TRAPPC9: variants seen among roughly 807,000 people sequenced by gnomAD.
The protein encoded by TRAPPC9 is IKK2 binding protein.
In TRAPPC9, 83 loss-of-function variants were observed where a neutral mutation model predicts 124.0. The ratio of observed to expected loss-of-function variants is 0.67; its 90% CI spans 0.56 to 0.80. TRAPPC9 has a LOEUF of 0.80. Among genes scored for constraint, TRAPPC9 ranks in the 30% least tolerant of loss-of-function variants. The probability of loss-of-function intolerance (pLI) is 0.00; values close to 1 mark genes in which losing one functional copy is unlikely to be tolerated. For missense variants in TRAPPC9, 1,302 were observed against 1,508.3 expected (o/e 0.86, Z 2.27); for synonymous variants, 638 against 617.5 (o/e 1.03, Z -0.49).
intron 7 of TRAPPC9, among the ~76,000 whole-genome samples, chr8:140,392,290 C>T (rs1367075872): frequency 2.6e-5 from 4 of 152,204 alleles, no homozygotes; most frequent in Admixed American, 6.5e-5. Flanking sequence ...ATGCATGCAA[C>T]AAGCTGGCTG....
At chr8:140,000,282 G>C (rs1838301555) in intron 18 of TRAPPC9, among the ~76,000 whole-genome samples, 1 of 152,068 alleles carries the variant, frequency 6.6e-6, no homozygotes, top group South Asian at 2.1e-4. Context: ...AAAAACCCTA[G>C]AAGAAAACCT....
intron 1 of TRAPPC9, among the ~76,000 whole-genome samples, chr8:140,452,398 C>T (rs569693656): frequency 3.5e-4 from 44 of 125,678 alleles, no homozygotes; most frequent in African/African-American, 1.1e-3. Flanking sequence ...CCAGCCTGGG[C>T]GACAGAGCCA....
At chr8:139,979,210 C>G (rs4736124) in intron 19 of TRAPPC9, among the ~76,000 whole-genome samples, 64,802 of 152,022 alleles carry the variant, frequency 0.43, 13,926 homozygotes, top group East Asian at 0.45. Flanking sequence ...TCTGAAAAAT[C>G]TCCTGCTGGG....
upstream of TRAPPC9, chr8:140,458,473 C>T (rs797046049): frequency 5.1e-6 from 8 of 1,572,146 alleles, no homozygotes; most frequent in Non-Finnish European, 6.9e-6. Context: ...CCTCCAGGAT[C>T]GCAGGGCCCG....
intron 16 of TRAPPC9, among the ~76,000 whole-genome samples, chr8:140,221,801 C>T (rs2063343743): frequency 6.6e-6 from 1 of 152,144 alleles, no homozygotes. Flanking sequence ...CCACACCTGG[C>T]TAATTTTTGT....
At chr8:140,158,087 A>G (rs2061686123) in intron 17 of TRAPPC9, among the ~76,000 whole-genome samples, 1 of 152,202 alleles carries the variant, frequency 6.6e-6, no homozygotes, top group African/African-American at 2.4e-5. Context: ...ATAACCTAAT[A>G]TATACATCTT....
At chr8:140,156,884 C>T (rs978309123) in intron 17 of TRAPPC9, among the ~76,000 whole-genome samples, 7 of 152,152 alleles carry the variant, frequency 4.6e-5, no homozygotes, top group African/African-American at 1.2e-4. Flanking sequence ...AAAGCAGAGG[C>T]CCAAATAAAA....
chr8:140,307,297 A>T (rs900705725), intron 10 of TRAPPC9, among the ~76,000 whole-genome samples: 1 of 152,114 alleles, frequency 6.6e-6, no homozygotes, highest in African/African-American at 2.4e-5. Context: ...AAAGAAACCA[A>T]GTTTTGATGA....
chr8:139,752,466 T>G (rs1819387207), intron 21 of TRAPPC9, among the ~76,000 whole-genome samples: 1 of 148,952 alleles, frequency 6.7e-6, no homozygotes. Context: ...CCATCTACCA[T>G]CCATCTATCC....
chr8:140,272,108 GTGGTGGCAATGGTGA>G (rs1230119597), intron 15 of TRAPPC9, among the ~76,000 whole-genome samples: 1 of 122,816 alleles, frequency 8.1e-6, no homozygotes, highest in Non-Finnish European at 1.8e-5. Context: ...GGTGATTGTG[GTGGTGGCAATGGTGA>G]TGGTGGCGAT....
At chr8:139,911,709 G>GA (rs60646030) in intron 19 of TRAPPC9, among the ~76,000 whole-genome samples, 42 of 140,962 alleles carry the variant, frequency 3.0e-4, no homozygotes, top group East Asian at 1.2e-3. Context: ...TGTCTTAAAA[G>GA]AAAAAAAAAA....
intron 21 of TRAPPC9, among the ~76,000 whole-genome samples, chr8:139,774,186 C>T (rs999802595): frequency 2.1e-4 from 32 of 152,200 alleles, no homozygotes; most frequent in African/African-American, 7.0e-4. Flanking sequence ...AGACAGAAGT[C>T]GGCATGGGCT....
chr8:140,199,473 G>A (rs2062739644), intron 17 of TRAPPC9, among the ~76,000 whole-genome samples: 1 of 151,930 alleles, frequency 6.6e-6, no homozygotes, highest in African/African-American at 2.4e-5. Context: ...ACAGTTCGTA[G>A]GTGATCAAGC....
chr8:140,029,933 T>C (rs566383668), intron 17 of TRAPPC9, among the ~76,000 whole-genome samples: 10 of 152,182 alleles, frequency 6.6e-5, no homozygotes, highest in African/African-American at 9.6e-5. Context: ...AAATATAAAA[T>C]GGGTAATACA....
rs148342454 is a variant in TRAPPC9 at position 140,081,420 on chromosome 8, A to G, written c.2557-57341T>C. On this transcript the variant is annotated intron_variant, in intron 17 of 22. Transcript: ENST00000438773. ...GAGTGCAGTGGCACAGTCTCAGCTCACTACGACCTCCGCCTCCCAGGTTCA... is the reference window on the plus strand; with the variant it reads ...GAGTGCAGTGGCACAGTCTCAGCTCGCTACGACCTCCGCCTCCCAGGTTCA... Among the ~76,000 whole-genome samples, 706 of 146,098 alleles carry G rather than the reference A, an allele frequency of 4.8e-3. 9 individuals are homozygous for G. The highest frequency in any genetic ancestry group is 0.017 in the African/African-American group (674 of 39,812).
At chr8:139,739,986 T>A (rs2130054851) in intron 21 of TRAPPC9, among the ~76,000 whole-genome samples, 1 of 152,342 alleles carries the variant, frequency 6.6e-6, no homozygotes, top group Non-Finnish European at 1.5e-5. Context: ...ACCGACTGGC[T>A]GTGCCCTGCC....
At chr8:140,277,625 C>T (rs1187803729) in intron 14 of TRAPPC9, among the ~76,000 whole-genome samples, 1 of 152,228 alleles carries the variant, frequency 6.6e-6, no homozygotes, top group Non-Finnish European at 1.5e-5. Context: ...CTGCAGCATC[C>T]CAGTTGTCAT....
intron 5 of TRAPPC9, among the ~76,000 whole-genome samples, chr8:140,420,553 A>G (rs1360027610): frequency 2.0e-5 from 3 of 152,286 alleles, no homozygotes; most frequent in African/African-American, 7.2e-5. Flanking sequence ...TAAATTCTCT[A>G]TAATGAAGAT....
intron 19 of TRAPPC9, among the ~76,000 whole-genome samples, chr8:139,977,861 A>C (rs1271033137): frequency 6.6e-6 from 1 of 151,506 alleles, no homozygotes; most frequent in Non-Finnish European, 1.5e-5. Flanking sequence ...TTGTATCTTT[A>C]GTAGAAACGG....
Sources: allele counts gnomAD v4.1 joint callset (sites outside exome capture counted in the v4.1 genomes callset), GRCh38; gene constraint gnomAD v4.1.1; transcripts MANE v1.5; gene names NCBI Gene and HGNC (gene_info 2026-07-23, HGNC 2026-07-21).